Variants in TUSC3 observed in about 807,000 individuals in gnomAD.
TUSC3 encodes dolichyl-diphosphooligosaccharide--protein glycosyltransferase subunit TUSC3.
In TUSC3, 45 loss-of-function variants were observed where a neutral mutation model predicts 44.8. The observed-to-expected ratio is 1.00, with a 90% confidence interval of 0.79 to 1.29. The LOEUF is 1.29. Ranked by LOEUF, TUSC3 falls within the 50% of genes most tolerant of loss-of-function variation. The pLI, the probability that TUSC3 is intolerant of heterozygous loss-of-function variation, is 0.00. For synonymous variants in TUSC3, 212 were observed against 152.9 expected, an observed-to-expected ratio of 1.39 and a Z score of -2.85; for missense variants, 519 against 437.9, an observed-to-expected ratio of 1.19 and a Z score of -1.65.
intron 1 of TUSC3, among the ~76,000 whole-genome samples, chr8:15,441,572 G>C (rs753910168): frequency 1.3e-5 from 2 of 152,290 alleles, no homozygotes; most frequent in African/African-American, 4.8e-5. Flanking sequence ...TTGTTAGAAT[G>C]CATAATAGGC....
intron 10 of TUSC3, among the ~76,000 whole-genome samples, chr8:15,761,292 T>C (rs1812159117): frequency 6.6e-6 from 1 of 152,184 alleles, no homozygotes; most frequent in Non-Finnish European, 1.5e-5. Context: ...AGAGCCAGCC[T>C]TAAGGAGAGA....
At chr8:15,441,805 A>C (rs1211472497) in intron 1 of TUSC3, among the ~76,000 whole-genome samples, 1 of 152,224 alleles carries the variant, frequency 6.6e-6, no homozygotes, top group African/African-American at 2.4e-5. Context: ...ATGACCCAGC[A>C]GGTGGGATGA....
rs370797981 is a variant in TUSC3 at position 15,675,926 on chromosome 8, A to G, written c.798+2090A>G. ...GTGTATGTGTCTTTTTTGTAGAACA[A>G]TTTATTTTCCTTTGGGTATATACCA... On this transcript the variant is annotated intron_variant, in intron 6 of 10. Coordinates refer to ENST00000503731, the MANE Select transcript of TUSC3 (RefSeq NM_006765.4). Among the ~76,000 whole-genome samples the G allele has an allele frequency of 9.9e-5, 15 of 152,200 alleles. No individual in the cohort carries two copies. The East Asian group carries it at 2.1e-3, about 22-fold the overall frequency.
chr8:15,465,836 G>A (rs760743379), intron 1 of TUSC3, among the ~76,000 whole-genome samples: 1 of 151,974 alleles, frequency 6.6e-6, no homozygotes, highest in Non-Finnish European at 1.5e-5. Flanking sequence ...TTTTTCTCTC[G>A]AGTCTACTTT....
At chr8:15,509,492 C>T (rs1471879537) in intron 2 of TUSC3, among the ~76,000 whole-genome samples, 2 of 152,046 alleles carry the variant, frequency 1.3e-5, no homozygotes, top group Non-Finnish European at 2.9e-5. Flanking sequence ...CCTGTAATCC[C>T]AGCTACTCGG....
chr8:15,690,936 A>G (rs964793982), intron 6 of TUSC3, among the ~76,000 whole-genome samples: 4 of 144,742 alleles, frequency 2.8e-5, no homozygotes, highest in South Asian at 2.2e-4. Context: ...GGTAATGCCA[A>G]ATGCCTCCAG....
chr8:15,845,836 A>G, the TUSC3 span, among the ~76,000 whole-genome samples: 3 of 152,190 alleles, frequency 2.0e-5, no homozygotes, highest in Admixed American at 1.3e-4. Context: ...CAGAATTACA[A>G]AACTGCTGTA....
intron 2 of TUSC3, among the ~76,000 whole-genome samples, chr8:15,503,002 G>C (rs941623836): frequency 6.6e-6 from 1 of 152,126 alleles, no homozygotes; most frequent in African/African-American, 2.4e-5. Flanking sequence ...CAGGGTTAGA[G>C]AAATTTAAAC....
intron 8 of TUSC3, 134 bp downstream of exon 8, chr8:15,743,746 T>G: frequency 1.0e-6 from 1 of 997,896 alleles, no homozygotes; most frequent in Non-Finnish European, 1.6e-6. Flanking sequence ...GATTTTAACT[T>G]TTTTCTATTG....
At chr8:15,533,053 A>G (rs150913727) in intron 2 of TUSC3, among the ~76,000 whole-genome samples, 111 of 152,260 alleles carry the variant, frequency 7.3e-4, no homozygotes, top group African/African-American at 2.6e-3. Flanking sequence ...GGCCTCCCAG[A>G]GTGCTGGGAT....
chr8:15,577,340 G>C (rs961451398), intron 1 of TUSC3, among the ~76,000 whole-genome samples: 1 of 151,690 alleles, frequency 6.6e-6, no homozygotes, highest in African/African-American at 2.4e-5. Context: ...GTCAATTTTG[G>C]CTTTTGTTGC....
At chr8:15,457,824 A>C (rs977412510) in intron 1 of TUSC3, among the ~76,000 whole-genome samples, 1 of 143,974 alleles carries the variant, frequency 6.9e-6, no homozygotes, top group East Asian at 2.0e-4. Flanking sequence ...TAGATAATTA[A>C]TTATTAATAA....
At chr8:15,684,166 T>G (rs948288187) in intron 6 of TUSC3, among the ~76,000 whole-genome samples, 2 of 152,050 alleles carry the variant, frequency 1.3e-5, no homozygotes, top group Admixed American at 6.6e-5. Flanking sequence ...GGTAACCCAT[T>G]CAACTACTGG....
intron 6 of TUSC3, among the ~76,000 whole-genome samples, chr8:15,681,266 T>A (rs2129185728): frequency 6.6e-6 from 1 of 151,894 alleles, no homozygotes; most frequent in African/African-American, 2.4e-5. Flanking sequence ...TTCTTCTTTA[T>A]ATATTTTATG....
intron 2 of TUSC3, among the ~76,000 whole-genome samples, chr8:15,522,176 C>G (rs553675267): frequency 6.6e-6 from 1 of 151,948 alleles, no homozygotes; most frequent in African/African-American, 2.4e-5. Flanking sequence ...CTTTACCAAG[C>G]TGTTCCACCA....
intron 3 of TUSC3, among the ~76,000 whole-genome samples, chr8:15,652,159 T>C (rs1056831099): frequency 1.8e-4 from 28 of 152,222 alleles, no homozygotes; most frequent in African/African-American, 6.8e-4. Flanking sequence ...ATGCAAAACT[T>C]AGTGCAGTTC....
At chr8:15,559,585 C>G (rs28829577) in intron 1 of TUSC3, among the ~76,000 whole-genome samples, 2,378 of 140,366 alleles carry the variant, frequency 0.017, 315 homozygotes, top group African/African-American at 0.058. Context: ...GTTGATCTGT[C>G]TAATGTTGAC....
the TUSC3 span, among the ~76,000 whole-genome samples, chr8:15,787,158 G>GA: frequency 1.3e-5 from 2 of 151,914 alleles, no homozygotes; most frequent in East Asian, 3.9e-4. Flanking sequence ...ATCATTTTCA[G>GA]AAAAATATTA....
At chr8:15,502,748 C>A (rs2129127104) in intron 2 of TUSC3, among the ~76,000 whole-genome samples, 1 of 152,330 alleles carries the variant, frequency 6.6e-6, no homozygotes, top group South Asian at 2.1e-4. Context: ...GCCTTGGCCT[C>A]CCAAAGTGCT....
Sources: gnomAD v4.1 joint callset for allele counts (sites outside exome capture counted in the v4.1 genomes callset) on GRCh38, gnomAD v4.1.1 for gene constraint, MANE v1.5 for transcripts, NCBI Gene and HGNC (gene_info 2026-07-23, HGNC 2026-07-21) for gene names.